The following RGS7 variants were observed in gnomAD, a reference collection of about 807,000 sequenced individuals.
The protein encoded by RGS7 is regulator of G protein signaling 7.
In RGS7, 27 loss-of-function variants were observed where a neutral mutation model predicts 81.1. The ratio of observed to expected loss-of-function variants is 0.33; its 90% CI spans 0.25 to 0.46. The LOEUF (loss-of-function observed/expected upper bound fraction) is 0.46, where lower values mean the gene tolerates loss of function less well. Among genes scored for constraint, RGS7 ranks in the 20% least tolerant of loss-of-function variants. The pLI is 1.00. For synonymous variants in RGS7, 208 were observed against 207.7 expected (o/e 1.00, Z -0.01); for missense variants, 396 against 607.4 (o/e 0.65, Z 3.66).
intron 2 of RGS7, among the ~76,000 whole-genome samples, chr1:241,237,751 T>A (rs76927616): frequency 0.017 from 2,646 of 152,216 alleles, 82 homozygotes; most frequent in African/African-American, 0.061. Flanking sequence ...CACTTCTGAA[T>A]ATTGCCTTCG....
intron 6 of RGS7, among the ~76,000 whole-genome samples, chr1:240,895,433 C>G (rs1668919839): frequency 2.6e-5 from 3 of 115,896 alleles, no homozygotes; most frequent in Admixed American, 8.1e-5. Context: ...TGCTATCCCT[C>G]CCCCCTCCTC....
chr1:241,196,991 T>TAAAAAAAAAAAAAAAAAAAA (rs34557484), intron 2 of RGS7, among the ~76,000 whole-genome samples: 1 of 132,600 alleles, frequency 7.5e-6, no homozygotes, highest in African/African-American at 2.9e-5. Context: ...CAAAAGAATG[T>TAAAAAAAAAAAAAAAAAAAA]AAAAAAAAAA....
At chr1:240,802,822 C>A in intron 16 of RGS7, 82 bp downstream of exon 16, 1 of 918,670 alleles carries the variant, frequency 1.1e-6, no homozygotes. Context: ...GTCCAATACC[C>A]TGGATTCAGC....
At chr1:240,793,611 A>ATTTTTTTTTTT (rs1205854418) in intron 18 of RGS7, among the ~76,000 whole-genome samples, 1 of 78,814 alleles carries the variant, frequency 1.3e-5, no homozygotes, top group Admixed American at 1.5e-4. Flanking sequence ...ATATATATAT[A>ATTTTTTTTTTT]TTTTTTTTTT....
At chr1:241,276,538 A>C (rs2148375233) in intron 2 of RGS7, among the ~76,000 whole-genome samples, 1 of 152,338 alleles carries the variant, frequency 6.6e-6, no homozygotes, top group African/African-American at 2.4e-5. Flanking sequence ...TTTAAGGAGC[A>C]ACGATGACAA....
chr1:241,273,352 G>T (rs1268216572), intron 2 of RGS7, among the ~76,000 whole-genome samples: 1 of 152,042 alleles, frequency 6.6e-6, no homozygotes, highest in Admixed American at 6.6e-5. Flanking sequence ...ACATTGTCAA[G>T]ACTCTGAAAA....
chr1:241,343,493 A>T (rs1324793647), intron 2 of RGS7, among the ~76,000 whole-genome samples: 1 of 152,220 alleles, frequency 6.6e-6, no homozygotes. Context: ...TTCAGCCTTT[A>T]AAAAGGAGAA....
At chr1:240,948,944 G>A (rs1032343270) in intron 4 of RGS7, among the ~76,000 whole-genome samples, 20 of 151,734 alleles carry the variant, frequency 1.3e-4, no homozygotes, top group African/African-American at 2.4e-4. Flanking sequence ...TTATTTTCTC[G>A]TTCTTCATTT....
Position 241,112,846 on chromosome 1 carries a change from G to A in RGS7, c.79-14084C>T, listed in dbSNP as rs1395045918. On this transcript the variant is annotated intron_variant, in intron 2 of 18. Coordinates refer to ENST00000440928, the MANE Select transcript of RGS7 (RefSeq NM_001364886.1). ...TATTTTTCAGAAGTATTTGAACAGT[G>A]ATGTCGATCTTTCTAACCCACCGAA... is the stretch of plus-strand genomic sequence containing the variant. Among the ~76,000 whole-genome samples the A allele has an allele frequency of 2.0e-5, 3 of 152,294 alleles. No homozygotes were observed. In the East Asian group the frequency reaches 5.8e-4, roughly 29 times the overall value.
chr1:241,070,398 T>C (rs1454305549), intron 3 of RGS7, among the ~76,000 whole-genome samples: 1 of 152,192 alleles, frequency 6.6e-6, no homozygotes, highest in Non-Finnish European at 1.5e-5. Context: ...TTATGACTTT[T>C]CACTTTCGTA....
chr1:241,026,536 C>A (rs1055311962), intron 3 of RGS7, among the ~76,000 whole-genome samples: 4 of 151,912 alleles, frequency 2.6e-5, no homozygotes, highest in Non-Finnish European at 5.9e-5. Context: ...TTGCAGTGAG[C>A]CGAGATCGCG....
chr1:240,966,069 G>T (rs1313077807), intron 4 of RGS7, among the ~76,000 whole-genome samples: 1 of 152,066 alleles, frequency 6.6e-6, no homozygotes, highest in African/African-American at 2.4e-5. Flanking sequence ...GGATTTATGT[G>T]ATGCAACCAC....
intron 3 of RGS7, among the ~76,000 whole-genome samples, chr1:241,041,699 CA>C (rs1391653731): frequency 6.6e-6 from 1 of 152,164 alleles, no homozygotes; most frequent in African/African-American, 2.4e-5. Flanking sequence ...GTCGCATTTA[CA>C]CATTTTCTAT....
chr1:240,878,489 C>CTTT (rs57896753), intron 6 of RGS7, among the ~76,000 whole-genome samples: 20 of 117,574 alleles, frequency 1.7e-4, no homozygotes, highest in East Asian at 5.0e-4. Context: ...TTTTTTCTTT[C>CTTT]TTTTTTTTTT....
chr1:240,777,282 C>CAA (rs71172641), intron 18 of RGS7, among the ~76,000 whole-genome samples: 33 of 143,288 alleles, frequency 2.3e-4, no homozygotes, highest in Admixed American at 1.5e-3. Context: ...GACTCTGTCT[C>CAA]AAAAAAAAAA....
intron 2 of RGS7, among the ~76,000 whole-genome samples, chr1:241,331,701 A>G (rs773193059): frequency 6.6e-6 from 1 of 152,184 alleles, no homozygotes; most frequent in Non-Finnish European, 1.5e-5. Flanking sequence ...TCAGGGGTAG[A>G]GCTCTTGACA....
chr1:240,943,167 T>C (rs894300226), intron 4 of RGS7, among the ~76,000 whole-genome samples: 4 of 152,152 alleles, frequency 2.6e-5, no homozygotes, highest in African/African-American at 9.7e-5. Context: ...TATATCAACA[T>C]TGAGGAATGC....
chr1:241,030,373 T>TATATATATATATATATATATACAC lies in RGS7; in HGVS notation c.176-47245_176-47244insGTGTATATATATATATATATATAT, dbSNP rs374223475. Among the ~76,000 whole-genome samples, 745 of 134,940 alleles carry TATATATATATATATATATATACAC rather than the reference T, an allele frequency of 5.5e-3. 14 individuals carry two copies. Among genetic ancestry groups the TATATATATATATATATATATACAC allele is most frequent in the Non-Finnish European group, 6.1e-3 (384 of 62,506 alleles). 88.5% of individuals were successfully genotyped at this position (134,940 alleles called of 152,430 possible). A position where few individuals can be genotyped will look rare whatever the true frequency, so the allele number is the denominator to read the frequency against. ...CCAGAACTTATAGCATATATATATA[T>TATATATATATATATATATATACAC]ACATACACACATACATACACACACA... On this transcript the variant is annotated intron_variant, in intron 3 of 18. Coordinates refer to ENST00000440928, the MANE Select transcript of RGS7 (RefSeq NM_001364886.1).
At chr1:240,904,461 A>G (rs1670511623) in intron 6 of RGS7, among the ~76,000 whole-genome samples, 1 of 152,196 alleles carries the variant, frequency 6.6e-6, no homozygotes, top group African/African-American at 2.4e-5. Context: ...ATTTAGAGTC[A>G]TATGTTTTGT....
Sources: allele counts gnomAD v4.1 joint callset (sites outside exome capture counted in the v4.1 genomes callset), GRCh38; gene constraint gnomAD v4.1.1; transcripts MANE v1.5; gene names NCBI Gene and HGNC (gene_info 2026-07-23, HGNC 2026-07-21).